Variants in ATXN7 observed in about 807,000 individuals in gnomAD.
ATXN7 encodes the protein ataxin-7.
A neutral mutation model predicts 70.5 loss-of-function variants in ATXN7; 12 were observed. The observed-to-expected ratio is 0.17, with a 90% confidence interval of 0.11 to 0.28. ATXN7 has a LOEUF of 0.28. Among genes scored for constraint, ATXN7 ranks in the 10% least tolerant of loss-of-function variants. The pLI, the probability that ATXN7 is intolerant of heterozygous loss-of-function variation, is 1.00. For missense variants in ATXN7, 1,256 were observed against 1,131.7 expected (o/e 1.11, Z -1.58); for synonymous variants, 498 against 448.7 (o/e 1.11, Z -1.39).
intron 6 of ATXN7, chr3:63,980,424 G>A (rs1243379871): frequency 1.9e-6 from 1 of 516,670 alleles, no homozygotes; most frequent in Non-Finnish European, 3.5e-6. Flanking sequence ...CTAACTCTAT[G>A]TGTGTACTAT....
intron 4 of ATXN7, among the ~76,000 whole-genome samples, chr3:63,946,591 C>T (rs945415966): frequency 1.2e-4 from 18 of 147,566 alleles, no homozygotes; most frequent in Non-Finnish European, 2.5e-4. Flanking sequence ...TGCAGTGAGG[C>T]GAGATTGTGC....
At position 63,865,728 on chromosome 3, in the gene ATXN7, A is replaced by G. The variant is rs1467100104; in HGVS notation, c.-111+1570A>G. 2.8e-3 allele frequency among the ~76,000 whole-genome samples: 294 copies of G among 106,832 alleles called. 1 individual carries two copies. The highest frequency in any genetic ancestry group is 0.01 in the African/African-American group (279 of 26,818). The allele number at this position is 106,832 out of a possible 152,430, so 70.1% of individuals were successfully genotyped here. A position where few individuals can be genotyped will look rare whatever the true frequency, so the allele number is the denominator to read the frequency against. On this transcript the variant is annotated intron_variant, in intron 1 of 12. Coordinates refer to ENST00000674280, the MANE Select transcript of ATXN7 (RefSeq NM_001377405.1). ...AAAACGGTGAAACCCCGTCTCTACT[A>G]AAAAAAAATACAAAAAATTAGCCGG...
rs1182839649 is a variant in ATXN7, at chr3:63,994,108, C to T, written c.1683-1397C>T. Among the ~76,000 whole-genome samples, 12 of 152,288 alleles carry T rather than the reference C, an allele frequency of 7.9e-5. No homozygotes were observed. In the East Asian group the frequency reaches 1.9e-3, roughly 25 times the overall value. Reference sequence around the variant, plus strand: ...TGTCTGTCCCCACTCCCCGCAGAGACGCTGGTGTAATCGTTATGGATGTGG... The same window carrying T: ...TGTCTGTCCCCACTCCCCGCAGAGATGCTGGTGTAATCGTTATGGATGTGG... On this transcript the variant is annotated intron_variant, in intron 11 of 12. Coordinates refer to ENST00000674280, the MANE Select transcript of ATXN7 (RefSeq NM_001377405.1).
At position 63,865,894 on chromosome 3, in the gene ATXN7, CAAAAAAAAAAAAAAAA is replaced by C. The variant is rs34205947; in HGVS notation, c.-111+1752_-111+1767del. On this transcript the variant is annotated intron_variant, in intron 1 of 12. Transcript: ENST00000674280. ...TGGGCGACAGAGCGAGACTCCATCT[CAAAAAAAAAAAAAAAA>C]AAAAAAAAAAAAAAAGAAAGTAATT... Among the ~76,000 whole-genome samples, 58 of 16,560 alleles carry C rather than the reference CAAAAAAAAAAAAAAAA, an allele frequency of 3.5e-3. 2 individuals carry two copies. The East Asian group carries it at 0.11, about 30-fold the overall frequency. The allele number at this position is 16,560 out of a possible 152,430, so 10.9% of individuals were successfully genotyped here. A position where few individuals can be genotyped will look rare whatever the true frequency, so the allele number is the denominator to read the frequency against.
chr3:63,963,643 A>C (rs1179587460), intron 5 of ATXN7, among the ~76,000 whole-genome samples: 1 of 152,158 alleles, frequency 6.6e-6, no homozygotes, highest in African/African-American at 2.4e-5. Flanking sequence ...TTTCTACTCA[A>C]CAATACCTCA....
intron 4 of ATXN7, 127 bp downstream of exon 4, chr3:63,913,352 C>G (rs1575885203): frequency 9.8e-7 from 1 of 1,017,752 alleles, no homozygotes; most frequent in Non-Finnish European, 1.5e-6. Context: ...AAGATGCTGC[C>G]TGAGGAGGGA....
intron 1 of ATXN7, among the ~76,000 whole-genome samples, chr3:63,870,052 A>G (rs1479421526): frequency 6.6e-6 from 1 of 152,170 alleles, no homozygotes; most frequent in Non-Finnish European, 1.5e-5. Flanking sequence ...AATTTTCTGT[A>G]AAGGACCATA....
chr3:63,968,709 A>G (rs2075265536), intron 5 of ATXN7, among the ~76,000 whole-genome samples: 1 of 152,194 alleles, frequency 6.6e-6, no homozygotes, highest in South Asian at 2.1e-4. Flanking sequence ...TTATTAAGGT[A>G]GCCAGCAGAG....
At chr3:63,982,880 A>G (rs2075513474) in intron 7 of ATXN7, 59 bp from the exon 8 acceptor site, 1 of 1,328,864 alleles carries the variant, frequency 7.5e-7, no homozygotes, top group Admixed American at 1.8e-5. Context: ...TTTCTTGCTT[A>G]AAAAATACAT....
intron 2 of ATXN7, chr3:63,904,058 T>C (rs1399977019): frequency 6.6e-6 from 1 of 152,202 alleles, no homozygotes; most frequent in Non-Finnish European, 1.5e-5. Flanking sequence ...AGCACCCACA[T>C]TGGAGACCCC....
intron 1 of ATXN7, among the ~76,000 whole-genome samples, chr3:63,889,779 T>C (rs1703199210): frequency 6.6e-6 from 1 of 152,200 alleles, no homozygotes; most frequent in Non-Finnish European, 1.5e-5. Flanking sequence ...GAATTCATGT[T>C]CCTGAGGTTG....
rs2075746497 is a variant in ATXN7 at position 63,995,705 on chromosome 3, A to G, written c.1883A>G (p.Gln628Arg). 2 of 1,614,250 alleles carry G rather than the reference A, an allele frequency of 1.2e-6. No homozygotes were observed. The highest frequency in any genetic ancestry group is 2.2e-5 in the South Asian group (2 of 91,086). Reference sequence around the variant, plus strand: ...GCTCATGGAACCACACTAAATGCACAGCCTGCTGCTTCAGGGGCGATGGAT... The same window carrying G: ...GCTCATGGAACCACACTAAATGCACGGCCTGCTGCTTCAGGGGCGATGGAT... ...VPAHGTTLNAQPAASGAMDPV... is the reference protein window; with the variant it reads ...VPAHGTTLNARPAASGAMDPV... The change falls in exon 12 of 13, where the codon CAG becomes CGG. Residue 628 changes from glutamine to arginine, a missense_variant. Gln to Arg is a conservative substitution (Grantham distance 43). Transcript: ENST00000674280.
rs760800679 is a variant in ATXN7, at chr3:63,913,238, C to G, written c.394+13C>G. On this transcript the variant is annotated intron_variant, in intron 4 of 12. Coordinates refer to ENST00000674280, the MANE Select transcript of ATXN7 (RefSeq NM_001377405.1). ...CTCTGTCGGGAAGGTGAGTCCAGCCCCCCTGATGGAGTTTGTACAAACCCC... is the reference window on the plus strand; with the variant it reads ...CTCTGTCGGGAAGGTGAGTCCAGCCGCCCTGATGGAGTTTGTACAAACCCC... 1.2e-6 allele frequency: 2 copies of G among 1,612,678 alleles called. No individual in the cohort carries two copies. The highest frequency in any genetic ancestry group is 8.5e-7 in the Non-Finnish European group (1 of 1,178,998).
At chr3:63,942,659 G>A (rs1308897835) in intron 4 of ATXN7, among the ~76,000 whole-genome samples, 6 of 152,150 alleles carry the variant, frequency 3.9e-5, no homozygotes, top group African/African-American at 1.4e-4. Flanking sequence ...GTTACAAGAG[G>A]TAGTGGCTAC....
At chr3:63,889,397 A>G (rs1703188909) in intron 1 of ATXN7, among the ~76,000 whole-genome samples, 1 of 152,200 alleles carries the variant, frequency 6.6e-6, no homozygotes. Flanking sequence ...AAATATTTAC[A>G]TTAATTAACT....
intron 5 of ATXN7, among the ~76,000 whole-genome samples, chr3:63,963,187 A>T (rs1387829815): frequency 2.6e-5 from 4 of 152,180 alleles, no homozygotes; most frequent in African/African-American, 9.7e-5. Context: ...AAGTGCTGGG[A>T]TTACAGGTGT....
chr3:63,984,366 T>C (rs1303781794), intron 8 of ATXN7, among the ~76,000 whole-genome samples: 8 of 152,196 alleles, frequency 5.3e-5, no homozygotes, highest in Non-Finnish European at 1.2e-4. Flanking sequence ...TGCTTTTTTT[T>C]TGTATAGGGT....
chr3:63,915,763 C>T (rs1306447230), intron 4 of ATXN7, among the ~76,000 whole-genome samples: 6 of 151,412 alleles, frequency 4.0e-5, no homozygotes, highest in Non-Finnish European at 8.8e-5. Flanking sequence ...CTCACTGCAA[C>T]CTCTGCTTCC....
At chr3:63,907,147 T>A (rs2107282557) in intron 2 of ATXN7, among the ~76,000 whole-genome samples, 1 of 152,344 alleles carries the variant, frequency 6.6e-6, no homozygotes, top group East Asian at 1.9e-4. Flanking sequence ...GTAGTTACTC[T>A]TGTTTTACTC....
Sources: allele counts gnomAD v4.1 joint callset (sites outside exome capture counted in the v4.1 genomes callset), GRCh38; gene constraint gnomAD v4.1.1; transcripts MANE v1.5; gene names NCBI Gene and HGNC (gene_info 2026-07-23, HGNC 2026-07-21).